The following ITPR1 variants were observed in gnomAD, a reference collection of about 807,000 sequenced individuals.
ITPR1 encodes inositol 1,4,5-trisphosphate-gated calcium channel ITPR1.
Under a neutral mutation model 318.4 loss-of-function variants are expected in ITPR1, and 96 were observed. The ratio of observed to expected loss-of-function variants is 0.30; its 90% confidence interval spans 0.26 to 0.36. The LOEUF (loss-of-function observed/expected upper bound fraction) is 0.36. Ranked by LOEUF, ITPR1 falls within the 10% of genes least tolerant of loss-of-function variation. The pLI, the probability that ITPR1 is intolerant of heterozygous loss-of-function variation, is 1.00. For synonymous variants in ITPR1, 1,312 were observed against 1,289.9 expected, an observed-to-expected ratio of 1.02 and a Z score of -0.37; for missense variants, 2,440 against 3,460.2, an observed-to-expected ratio of 0.71 and a Z score of 7.40.
At chr3:4,814,231 G>A (rs927897416) in intron 57 of ITPR1, 192 bp from the exon 58 acceptor site, 9 of 622,522 alleles carry the variant, frequency 1.4e-5, no homozygotes, top group Non-Finnish European at 2.3e-5. Context: ...ATTAGCGGGG[G>A]TTAGCGATGA....
chr3:4,815,058 C>G lies in ITPR1; in HGVS notation c.7707C>G (p.Pro2569=). ...DVLRKPSKEE[P]LFAARVIYDL... is the part of the protein sequence containing the mutation. ...CAGACACCTCTCTTTTCCAGGAACC[C>G]CTGTTTGCTGCTAGAGTTATTTATG... is the stretch of plus-strand genomic sequence containing the variant. The change falls in exon 59 of 62, where the codon CCC becomes CCG. Residue 2569 remains proline (P), a synonymous_variant. Transcript: ENST00000649015. The G allele has an allele frequency of 1.2e-6, 2 of 1,609,718 alleles. No homozygotes were observed. Among genetic ancestry groups the G allele is most frequent in the Non-Finnish European group, 1.7e-6 (2 of 1,177,106 alleles).
intron 4 of ITPR1, among the ~76,000 whole-genome samples, chr3:4,556,793 T>G (rs1369698133): frequency 3.9e-5 from 6 of 152,170 alleles, no homozygotes; most frequent in Non-Finnish European, 5.9e-5. Flanking sequence ...CAGGTTTTTG[T>G]GTGGACTTAT....
intron 4 of ITPR1, among the ~76,000 whole-genome samples, chr3:4,595,785 G>T (rs1049638262): frequency 1.3e-5 from 2 of 152,164 alleles, no homozygotes; most frequent in Non-Finnish European, 2.9e-5. Flanking sequence ...GGTCTGAGAA[G>T]TCAGTTGACT....
intron 49 of ITPR1, among the ~76,000 whole-genome samples, chr3:4,781,891 G>T (rs2046860920): frequency 6.6e-6 from 1 of 152,168 alleles, no homozygotes; most frequent in South Asian, 2.1e-4. Context: ...GATAAGGCAG[G>T]AGGATCACTT....
intron 34 of ITPR1, among the ~76,000 whole-genome samples, chr3:4,697,778 G>A (rs1339354822): frequency 2.6e-5 from 4 of 152,094 alleles, no homozygotes; most frequent in Non-Finnish European, 4.4e-5. Context: ...GCTCTTAGCC[G>A]AGAATGGATG....
In ITPR1 at chr3:4,811,474, C is replaced by T. The variant is rs1032799424; in HGVS notation, c.7468+14C>T. The T allele has an allele frequency of 6.3e-7, 1 of 1,597,536 alleles. No homozygotes were observed. The highest frequency in any genetic ancestry group is 1.7e-5 in the Admixed American group (1 of 58,708). ...CAGCTGTTCCAGGTGGGTTTGGGATCTTCTGATCTTTTTAATGCTAAAAGA... is the reference window on the plus strand; with the variant it reads ...CAGCTGTTCCAGGTGGGTTTGGGATTTTCTGATCTTTTTAATGCTAAAAGA... On this transcript the variant is annotated intron_variant, in intron 56 of 61. Coordinates refer to ENST00000649015, the MANE Select transcript of ITPR1 (RefSeq NM_001378452.1).
chr3:4,526,546 A>G (rs1410028991), intron 4 of ITPR1, among the ~76,000 whole-genome samples: 2 of 152,260 alleles, frequency 1.3e-5, no homozygotes, highest in South Asian at 2.1e-4. Flanking sequence ...CAGGAGTCTT[A>G]GAGTTTCATG....
At position 4,779,294 on chromosome 3, in the gene ITPR1, G is replaced by T. The variant is rs149500161; in HGVS notation, c.6292-256G>T. ...AGGACTTGTACCAGCTAACATTAGGGCATAACACACATGCCCTGACAAATA... is the reference window on the plus strand; with the variant it reads ...AGGACTTGTACCAGCTAACATTAGGTCATAACACACATGCCCTGACAAATA... On this transcript the variant is annotated intron_variant, in intron 48 of 61. Coordinates refer to ENST00000649015, the MANE Select transcript of ITPR1 (RefSeq NM_001378452.1). This position sits in a 1 kb window ranked among gnomAD's most constrained non-coding sequence, Gnocchi z 4.0. 2.0e-5 allele frequency among the ~76,000 whole-genome samples: 3 copies of T among 152,358 alleles called. No homozygotes were observed. The highest frequency in any genetic ancestry group is 3.4e-3 in the Middle Eastern group (1 of 294).
chr3:4,620,922 A>G (rs1575758628), intron 4 of ITPR1, among the ~76,000 whole-genome samples: 1 of 149,224 alleles, frequency 6.7e-6, no homozygotes, highest in South Asian at 2.1e-4. Flanking sequence ...TTTTTCTGCC[A>G]CCCCCCACCC....
intron 42 of ITPR1, among the ~76,000 whole-genome samples, chr3:4,731,067 T>C (rs2042895518): frequency 6.6e-6 from 1 of 152,228 alleles, no homozygotes; most frequent in Admixed American, 6.5e-5. Flanking sequence ...TGCATTATGA[T>C]ATTTAAAAAG....
At chr3:4,722,562 T>C (rs1016628748) in intron 40 of ITPR1, among the ~76,000 whole-genome samples, 2 of 152,234 alleles carry the variant, frequency 1.3e-5, no homozygotes, top group African/African-American at 4.8e-5. Context: ...TTTATACAGA[T>C]CTTATTTGAA....
At chr3:4,627,009 C>T (rs546991209) in intron 4 of ITPR1, among the ~76,000 whole-genome samples, 24 of 152,022 alleles carry the variant, frequency 1.6e-4, no homozygotes, top group Non-Finnish European at 2.6e-4. Flanking sequence ...TTAGTAGAGA[C>T]GGGGTTTCAC....
intron 4 of ITPR1, among the ~76,000 whole-genome samples, chr3:4,584,509 G>T (rs1157325735): frequency 6.6e-6 from 1 of 151,426 alleles, no homozygotes; most frequent in Non-Finnish European, 1.5e-5. Context: ...AGGAGAGGAA[G>T]TGAGGTTGAT....
At chr3:4,681,952 T>C (rs1272406054) in intron 26 of ITPR1, among the ~76,000 whole-genome samples, 1 of 152,186 alleles carries the variant, frequency 6.6e-6, no homozygotes, top group Non-Finnish European at 1.5e-5. Context: ...ACTTAAGACA[T>C]TATTATAATT....
Position 4,683,381 on chromosome 3 carries a change from T to TA in ITPR1, c.3162-5_3162-4insA, listed in dbSNP as rs1434602559. 3.7e-6 allele frequency: 6 copies of TA among 1,613,890 alleles called. No homozygotes were observed. Among genetic ancestry groups the TA allele is most frequent in the Non-Finnish European group, 5.1e-6 (6 of 1,179,882 alleles). ...TTGGCCTTTCCCCACCTTGTGCTCC[T>TA]TTAGTGAGGAGAACACCCCACTGGA... is the stretch of plus-strand genomic sequence containing the variant. On this transcript the variant is annotated splice_region_variant and splice_polypyrimidine_tract_variant and intron_variant, in intron 26 of 61. Coordinates refer to ENST00000649015, the MANE Select transcript of ITPR1 (RefSeq NM_001378452.1).
chr3:4,582,726 A>G (rs1321185509), intron 4 of ITPR1, among the ~76,000 whole-genome samples: 2 of 151,566 alleles, frequency 1.3e-5, no homozygotes, highest in Non-Finnish European at 3.0e-5. Context: ...GTGTCTTACC[A>G]TCTGTTAGAT....
intron 11 of ITPR1, among the ~76,000 whole-genome samples, chr3:4,653,534 G>A (rs994816975): frequency 1.3e-5 from 2 of 152,162 alleles, no homozygotes; most frequent in Non-Finnish European, 2.9e-5. Context: ...CTAAAAATAG[G>A]ATTATCAGTG....
chr3:4,733,262 G>A (rs1252293181), intron 43 of ITPR1, 42 bp downstream of exon 43: 3 of 1,606,594 alleles, frequency 1.9e-6, no homozygotes, highest in East Asian at 2.2e-5. Context: ...TGAATCAAGT[G>A]TGTTCTGTGA....
At chr3:4,639,290 C>A in intron 5 of ITPR1, 94 bp from the exon 6 acceptor site, 2 of 937,656 alleles carry the variant, frequency 2.1e-6, no homozygotes, top group Non-Finnish European at 3.3e-6. Context: ...TTCGGTGGTT[C>A]TTGTATGAAC....
Sources: allele counts gnomAD v4.1 joint callset (sites outside exome capture counted in the v4.1 genomes callset), GRCh38; gene constraint gnomAD v4.1.1; non-coding constraint Gnocchi (gnomAD v3.1); transcripts MANE v1.5; gene names NCBI Gene and HGNC (gene_info 2026-07-23, HGNC 2026-07-21).